The following TBC1D5 variants were observed in gnomAD, a reference collection of about 807,000 sequenced individuals.
TBC1D5 encodes TBC1 domain family, member 5.
In TBC1D5, 75 loss-of-function variants were observed where a neutral mutation model predicts 100.3. The ratio of observed to expected loss-of-function variants is 0.75; its 90% CI spans 0.62 to 0.91. The LOEUF (loss-of-function observed/expected upper bound fraction) is 0.91, where lower values mean the gene tolerates loss of function less well. Ranked by LOEUF, TBC1D5 falls within the 40% of genes least tolerant of loss-of-function variation. The pLI is 0.00. For synonymous variants in TBC1D5, 323 were observed against 325.6 expected, an observed-to-expected ratio of 0.99 and a Z score of 0.09; for missense variants, 910 against 942.4, an observed-to-expected ratio of 0.97 and a Z score of 0.45.
intron 13 of TBC1D5, among the ~76,000 whole-genome samples, chr3:17,327,104 T>A (rs116517048): frequency 4.6e-5 from 7 of 152,190 alleles, no homozygotes. Context: ...AATTTAAAAA[T>A]TTACCTTTTA....
At chr3:17,161,704 TG>T (rs2066073906) in intron 21 of TBC1D5, among the ~76,000 whole-genome samples, 1 of 152,270 alleles carries the variant, frequency 6.6e-6, no homozygotes, top group Non-Finnish European at 1.5e-5. Context: ...CCTAATGTGT[TG>T]TCATGATATA....
At chr3:17,671,625 G>A (rs940406380) in intron 1 of TBC1D5, among the ~76,000 whole-genome samples, 1 of 152,062 alleles carries the variant, frequency 6.6e-6, no homozygotes, top group African/African-American at 2.4e-5. Flanking sequence ...TGGGTTTACA[G>A]GACAATTACA....
At chr3:17,417,061 A>G (rs552278039) in intron 4 of TBC1D5, among the ~76,000 whole-genome samples, 1 of 152,254 alleles carries the variant, frequency 6.6e-6, no homozygotes, top group South Asian at 2.1e-4. Flanking sequence ...AATAGTAGTT[A>G]TTTTGGAGAT....
At chr3:17,691,180 G>C (rs1225251680) in intron 1 of TBC1D5, among the ~76,000 whole-genome samples, 1 of 151,986 alleles carries the variant, frequency 6.6e-6, no homozygotes, top group Non-Finnish European at 1.5e-5. Context: ...TGCTCTCAAG[G>C]GGTACATCCT....
intron 13 of TBC1D5, among the ~76,000 whole-genome samples, chr3:17,327,829 T>C (rs979729003): frequency 2.6e-5 from 4 of 152,180 alleles, no homozygotes; most frequent in African/African-American, 4.8e-5. Flanking sequence ...TGGTTTTTTT[T>C]CCCCATTACT....
chr3:17,613,540 A>G (rs891713551), intron 2 of TBC1D5, among the ~76,000 whole-genome samples: 2 of 152,196 alleles, frequency 1.3e-5, no homozygotes, highest in Admixed American at 1.3e-4. Context: ...CATCCTCTCC[A>G]GCATCTGTTG....
intron 16 of TBC1D5, among the ~76,000 whole-genome samples, chr3:17,258,208 TAGAA>T (rs1559502573): frequency 6.6e-6 from 1 of 152,092 alleles, no homozygotes; most frequent in African/African-American, 2.4e-5. Flanking sequence ...AGCAAAAATC[TAGAA>T]AGAGATTATA....
At chr3:17,551,031 C>T (rs996298583) in intron 2 of TBC1D5, among the ~76,000 whole-genome samples, 8 of 151,970 alleles carry the variant, frequency 5.3e-5, no homozygotes, top group African/African-American at 9.7e-5. Flanking sequence ...GTATTAAACA[C>T]TAAGAAAACA....
intron 3 of TBC1D5, among the ~76,000 whole-genome samples, chr3:17,473,342 A>G (rs1011715387): frequency 6.6e-6 from 1 of 152,218 alleles, no homozygotes; most frequent in South Asian, 2.1e-4. Context: ...CATGTCCCTA[A>G]CATACCATTT....
chr3:17,434,668 C>A (rs2094503886), intron 3 of TBC1D5, among the ~76,000 whole-genome samples: 1 of 152,076 alleles, frequency 6.6e-6, no homozygotes, highest in South Asian at 2.1e-4. Context: ...CTTTTCCCTC[C>A]TAGGCCACCC....
chr3:17,605,696 T>G (rs1375356875), intron 2 of TBC1D5, among the ~76,000 whole-genome samples: 2 of 152,218 alleles, frequency 1.3e-5, no homozygotes, highest in Non-Finnish European at 2.9e-5. Context: ...TGCTTCATTT[T>G]TAGGAAGCAT....
chr3:17,199,394 CATCACAT>C (rs1378784023), intron 18 of TBC1D5, among the ~76,000 whole-genome samples: 1 of 152,200 alleles, frequency 6.6e-6, no homozygotes, highest in Non-Finnish European at 1.5e-5. Context: ...ATGTTACCAT[CATCACAT>C]ATTGGTATCA....
At chr3:17,677,651 T>C (rs1417047231) in intron 1 of TBC1D5, among the ~76,000 whole-genome samples, 1 of 152,190 alleles carries the variant, frequency 6.6e-6, no homozygotes, top group African/African-American at 2.4e-5. Context: ...ACTGGGTATA[T>C]ACCCAAAGGA....
chr3:17,254,772 G>T lies in TBC1D5; in HGVS notation c.1331+3734C>A, dbSNP rs1373610441. Among the ~76,000 whole-genome samples, 13 of 98,680 alleles carry T rather than the reference G, an allele frequency of 1.3e-4. 1 individual carries two copies. Among genetic ancestry groups the T allele is most frequent in the Admixed American group, 8.3e-4 (6 of 7,206 alleles). The allele number at this position is 98,680 out of a possible 152,430, so 64.7% of individuals were successfully genotyped here. On this transcript the variant is annotated intron_variant, in intron 16 of 21. Transcript: ENST00000253692. Reference sequence around the variant, plus strand: ...GTCTTTACCGTGGCGGGGGTGGGGGGGGGGTCCCAAGACTACCAATTAGGT... The same window carrying T: ...GTCTTTACCGTGGCGGGGGTGGGGGTGGGGTCCCAAGACTACCAATTAGGT...
At chr3:17,497,490 A>G (rs1282505975) in intron 3 of TBC1D5, among the ~76,000 whole-genome samples, 1 of 152,252 alleles carries the variant, frequency 6.6e-6, no homozygotes, top group African/African-American at 2.4e-5. Flanking sequence ...GTATGATAAA[A>G]TATATGTGCC....
At chr3:17,713,437 T>G (rs1030544914) in intron 1 of TBC1D5, among the ~76,000 whole-genome samples, 7 of 151,862 alleles carry the variant, frequency 4.6e-5, no homozygotes, top group South Asian at 2.1e-4. Flanking sequence ...ACAGACAGGG[T>G]TTCACCATGT....
At chr3:17,616,884 T>C (rs1282219174) in intron 2 of TBC1D5, among the ~76,000 whole-genome samples, 4 of 152,212 alleles carry the variant, frequency 2.6e-5, no homozygotes, top group Non-Finnish European at 5.9e-5. Context: ...TTTAGCCCAT[T>C]TACATTTAAG....
intron 1 of TBC1D5, among the ~76,000 whole-genome samples, chr3:17,721,752 G>A (rs1453697119): frequency 2.6e-5 from 4 of 151,814 alleles, no homozygotes; most frequent in African/African-American, 7.3e-5. Context: ...AAGCCGAGGC[G>A]GGCAGATTCC....
intron 2 of TBC1D5, among the ~76,000 whole-genome samples, chr3:17,556,030 GT>G (rs1164984830): frequency 3.4e-5 from 5 of 148,558 alleles, no homozygotes; most frequent in African/African-American, 4.9e-5. Context: ...TAATAGTTTG[GT>G]TTTTTTTTTG....
Sources: gnomAD v4.1 joint callset for allele counts (sites outside exome capture counted in the v4.1 genomes callset) on GRCh38, gnomAD v4.1.1 for gene constraint, MANE v1.5 for transcripts, NCBI Gene and HGNC (gene_info 2026-07-23, HGNC 2026-07-21) for gene names.